Variants in VAMP3 observed in about 807,000 individuals in gnomAD.
The protein encoded by VAMP3 is vesicle associated membrane protein 3.
A neutral mutation model predicts 18.1 loss-of-function variants in VAMP3; 11 were observed. The ratio of observed to expected loss-of-function variants is 0.61; its 90% CI spans 0.38 to 1.00. The LOEUF (loss-of-function observed/expected upper bound fraction) is 1.00. Ranked by LOEUF, VAMP3 falls within the 50% of genes least tolerant of loss-of-function variation. The pLI, the probability that VAMP3 is intolerant of heterozygous loss-of-function variation, is 0.01. For missense variants in VAMP3, 122 were observed against 127.3 expected (o/e 0.96, Z 0.20); for synonymous variants, 49 against 43.1 (o/e 1.14, Z -0.53).
chr1:7,771,422 C>T, intron 1 of VAMP3, 37 bp downstream of exon 1: 1 of 1,540,648 alleles, frequency 6.5e-7, no homozygotes, highest in Non-Finnish European at 8.7e-7. Context: ...GCTTCGGGCC[C>T]CGCAGGCGGC....
At chr1:7,772,232 A>G (rs1404506884) in intron 1 of VAMP3, among the ~76,000 whole-genome samples, 3 of 152,234 alleles carry the variant, frequency 2.0e-5, no homozygotes, top group African/African-American at 7.2e-5. Flanking sequence ...GAGGAAAAGC[A>G]TGGAAAGAGT....
intron 3 of VAMP3, among the ~76,000 whole-genome samples, chr1:7,777,772 C>T (rs1317960565): frequency 1.3e-5 from 2 of 152,180 alleles, no homozygotes; most frequent in Non-Finnish European, 1.5e-5. Context: ...ATACAGTTAG[C>T]GTGCTGCAAT....
At chr1:7,776,209 T>C (rs528456073) in intron 2 of VAMP3, among the ~76,000 whole-genome samples, 2 of 152,384 alleles carry the variant, frequency 1.3e-5, no homozygotes, top group African/African-American at 4.8e-5. Context: ...AGCAATGTTT[T>C]CTAGTTTCAT....
At position 7,778,121 on chromosome 1, in the gene VAMP3, T is replaced by C. The variant is rs765945268; in HGVS notation, c.235T>C (p.Trp79Arg). 22 of 1,614,204 alleles carry C rather than the reference T, an allele frequency of 1.4e-5. No homozygotes were observed. Among genetic ancestry groups the C allele is most frequent in the Non-Finnish European group, 1.8e-5 (21 of 1,180,034 alleles). ...ATGGACATATGTTTTGTTACAGATG[T>C]GGGCAATCGGGATTACTGTTCTGGT... is the stretch of plus-strand genomic sequence containing the variant. ...RKYWWKNCKMWAIGITVLVIF... is the reference protein window; with the variant it reads ...RKYWWKNCKMRAIGITVLVIF... The change falls in exon 4 of 5, where the codon TGG becomes CGG. Residue 79 changes from tryptophan (W) to arginine (R), a missense_variant. By Grantham distance (101) the Trp-to-Arg change is moderately radical. Coordinates refer to ENST00000054666, the MANE Select transcript of VAMP3 (RefSeq NM_004781.4).
intron 2 of VAMP3, among the ~76,000 whole-genome samples, chr1:7,775,508 C>T (rs555614565): frequency 9.2e-5 from 14 of 152,056 alleles, no homozygotes; most frequent in African/African-American, 3.1e-4. Context: ...CCACCTTGCC[C>T]GGCTAATTTT....
Position 7,779,823 on chromosome 1 carries a change from C to A in VAMP3, c.*178C>A. On this transcript the variant is annotated 3_prime_UTR_variant, in exon 5 of 5. Coordinates refer to ENST00000054666, the MANE Select transcript of VAMP3 (RefSeq NM_004781.4). ...TTAATATGCACTCCAAATTAGAAGGCCGGCCCCGTCCACATTTTGCACAGT... is the reference window on the plus strand; with the variant it reads ...TTAATATGCACTCCAAATTAGAAGGACGGCCCCGTCCACATTTTGCACAGT... 1.4e-6 allele frequency: 1 copy of A among 733,358 alleles called. No individual in the cohort carries two copies. Among genetic ancestry groups the A allele is most frequent in the Non-Finnish European group, 2.2e-6 (1 of 455,088 alleles). 45.4% of individuals were successfully genotyped at this position (733,358 alleles called of 1,614,324 possible).
At position 7,779,743 on chromosome 1, in the gene VAMP3, A is replaced by T. The variant is rs529009417; in HGVS notation, c.*98A>T. The T allele has an allele frequency of 3.9e-6, 6 of 1,546,202 alleles. No individual in the cohort carries two copies. In the African/African-American group the frequency reaches 8.3e-5, roughly 21 times the overall value. On this transcript the variant is annotated 3_prime_UTR_variant, in exon 5 of 5. Transcript: ENST00000054666. ...TCAAGCTTACCTACTGTTATCTCTA[A>T]AATTTTTTTTGTGTTAATGTAAAGT... is the stretch of plus-strand genomic sequence containing the variant.
intron 2 of VAMP3, among the ~76,000 whole-genome samples, chr1:7,774,425 A>G (rs2150365617): frequency 6.6e-6 from 1 of 152,348 alleles, no homozygotes; most frequent in East Asian, 1.9e-4. Context: ...CATAACATAC[A>G]ACTAAACATT....
chr1:7,777,894 C>T (rs1046269668), intron 3 of VAMP3, among the ~76,000 whole-genome samples: 2 of 152,162 alleles, frequency 1.3e-5, no homozygotes, highest in East Asian at 3.8e-4. Flanking sequence ...AAACAAATGC[C>T]TAGCTAGAGG....
intron 4 of VAMP3, among the ~76,000 whole-genome samples, chr1:7,778,410 G>GT (rs1347103445): frequency 6.6e-6 from 1 of 152,074 alleles, no homozygotes; most frequent in African/African-American, 2.4e-5. Flanking sequence ...GTGCACACCT[G>GT]TAAGTCCCAG....
At chr1:7,775,043 C>A (rs1288447735) in intron 2 of VAMP3, among the ~76,000 whole-genome samples, 2 of 152,256 alleles carry the variant, frequency 1.3e-5, no homozygotes, top group East Asian at 1.9e-4. Flanking sequence ...GTTCCTGTTT[C>A]TCCACATCCT....
At chr1:7,779,570 A>C in intron 4 of VAMP3, 56 bp from the exon 5 acceptor site, 1 of 1,613,042 alleles carries the variant, frequency 6.2e-7, no homozygotes, top group Non-Finnish European at 8.5e-7. Flanking sequence ...TGGGATTCAC[A>C]CTGAGAGACT....
chr1:7,773,560 C>G (rs2097052524), intron 2 of VAMP3, 49 bp downstream of exon 2: 1 of 1,502,004 alleles, frequency 6.7e-7, no homozygotes, highest in Non-Finnish European at 9.2e-7. Flanking sequence ...AATATGAGTA[C>G]TCTGGAAATC....
Position 7,777,510 on chromosome 1 carries a change from A to G in VAMP3, c.231+192A>G, listed in dbSNP as rs547796431. Among the ~76,000 whole-genome samples, 53 of 152,248 alleles carry G rather than the reference A, an allele frequency of 3.5e-4. 1 individual carries two copies. The highest frequency in any genetic ancestry group is 1.2e-3 in the African/African-American group (48 of 41,548). On this transcript the variant is annotated intron_variant, in intron 3 of 4. Transcript: ENST00000054666. ...CCTAGCCCCACACTAGGAATCCTCT[A>G]TGTGCTGTGGCTGATCTTCAGAAGA...
intron 2 of VAMP3, among the ~76,000 whole-genome samples, chr1:7,774,523 C>T (rs1056586876): frequency 6.6e-6 from 1 of 152,158 alleles, no homozygotes; most frequent in Non-Finnish European, 1.5e-5. Flanking sequence ...TTTTTCATCA[C>T]CCCAGAACAC....
rs560925997 is a variant in VAMP3, at chr1:7,779,737, T to C, written c.*92T>C. On this transcript the variant is annotated 3_prime_UTR_variant, in exon 5 of 5. Coordinates refer to ENST00000054666, the MANE Select transcript of VAMP3 (RefSeq NM_004781.4). ...ATATTATCAAGCTTACCTACTGTTA[T>C]CTCTAAAATTTTTTTTGTGTTAATG... 8.2e-4 allele frequency: 1,277 copies of C among 1,555,030 alleles called. 18 individuals carry two copies. In the South Asian group the frequency reaches 0.014, roughly 17 times the overall value.
At chr1:7,777,563 C>T (rs76961634) in intron 3 of VAMP3, among the ~76,000 whole-genome samples, 107 of 152,332 alleles carry the variant, frequency 7.0e-4, no homozygotes, top group African/African-American at 2.4e-3. Flanking sequence ...TATCCAAAAT[C>T]ACTCACAGTC....
intron 2 of VAMP3, among the ~76,000 whole-genome samples, chr1:7,775,381 T>C (rs2097053825): frequency 6.6e-6 from 1 of 152,158 alleles, no homozygotes; most frequent in South Asian, 2.1e-4. Context: ...GGAGTTTTGC[T>C]CTGTTGCCGA....
rs371280303 is a variant in VAMP3, at chr1:7,780,900, T to A, written c.*1255T>A. 1.3e-5 allele frequency: 2 copies of A among 152,520 alleles called. No individual in the cohort carries two copies. The highest frequency in any genetic ancestry group is 3.8e-4 in the East Asian group (2 of 5,326). The allele number at this position is 152,520 out of a possible 1,614,324, so 9.4% of individuals were successfully genotyped here. A position where few individuals can be genotyped will look rare whatever the true frequency, so the allele number is the denominator to read the frequency against. Reference sequence around the variant, plus strand: ...TGATGGGAATGCTGGAAGCAGAAACTTTGTCATCGGAAAAACTTTTCTTGT... The same window carrying A: ...TGATGGGAATGCTGGAAGCAGAAACATTGTCATCGGAAAAACTTTTCTTGT... On this transcript the variant is annotated 3_prime_UTR_variant, in exon 5 of 5. Coordinates refer to ENST00000054666, the MANE Select transcript of VAMP3 (RefSeq NM_004781.4).
Sources: gnomAD v4.1 joint callset for allele counts (sites outside exome capture counted in the v4.1 genomes callset) on GRCh38, gnomAD v4.1.1 for gene constraint, MANE v1.5 for transcripts, NCBI Gene and HGNC (gene_info 2026-07-23, HGNC 2026-07-21) for gene names.